The following LRRC7 variants were observed in gnomAD, a reference collection of about 807,000 sequenced individuals.
LRRC7 encodes the protein leucine-rich repeat-containing protein 7.
In LRRC7, 23 loss-of-function variants were observed where a neutral mutation model predicts 175.7. That is an observed-to-expected ratio of 0.13 (90% CI 0.09 to 0.19). The LOEUF is 0.19. LRRC7 is among the 10% of genes least tolerant of loss of function. LRRC7 has a pLI of 1.00. For synonymous variants in LRRC7, 685 were observed against 680.9 expected (o/e 1.01, Z -0.09); for missense variants, 1,354 against 1,904.7 (o/e 0.71, Z 5.38).
chr1:69,971,248 T>C (rs1652204563), intron 8 of LRRC7, among the ~76,000 whole-genome samples: 1 of 152,162 alleles, frequency 6.6e-6, no homozygotes, highest in Admixed American at 6.5e-5. Context: ...ACCATTCCTT[T>C]TCACCATAGT....
intron 1 of LRRC7, among the ~76,000 whole-genome samples, chr1:69,664,860 C>T (rs1658038387): frequency 6.6e-6 from 1 of 152,062 alleles, no homozygotes; most frequent in Non-Finnish European, 1.5e-5. Context: ...TTGGGGTACT[C>T]TTCAAAAAAT....
At chr1:70,000,989 C>G (rs76265096) in intron 11 of LRRC7, among the ~76,000 whole-genome samples, 2,105 of 152,202 alleles carry the variant, frequency 0.014, 49 homozygotes, top group African/African-American at 0.047. Flanking sequence ...GTCCCTGTTC[C>G]GACTGTTTCT....
chr1:69,770,775 G>A (rs1435413625), intron 3 of LRRC7, among the ~76,000 whole-genome samples: 2 of 152,106 alleles, frequency 1.3e-5, no homozygotes, highest in African/African-American at 2.4e-5. Context: ...TGTAGCCTTG[G>A]CATAAGTAGC....
At chr1:69,838,842 C>A (rs1368681115) in intron 7 of LRRC7, among the ~76,000 whole-genome samples, 1 of 151,852 alleles carries the variant, frequency 6.6e-6, no homozygotes. Context: ...AAAAACTAAT[C>A]CTTAAAATTT....
intron 4 of LRRC7, among the ~76,000 whole-genome samples, chr1:69,811,162 T>C (rs186628278): frequency 6.6e-6 from 1 of 151,884 alleles, no homozygotes; most frequent in East Asian, 1.9e-4. Context: ...AACAAACATA[T>C]GAAAAAAAGC....
At chr1:69,999,397 T>C (rs554055960) in intron 11 of LRRC7, among the ~76,000 whole-genome samples, 1 of 152,290 alleles carries the variant, frequency 6.6e-6, no homozygotes. Flanking sequence ...CATTAAATTT[T>C]CAGATGCCAC....
intron 1 of LRRC7, among the ~76,000 whole-genome samples, chr1:69,646,161 A>G (rs1654982000): frequency 6.6e-6 from 1 of 152,096 alleles, no homozygotes; most frequent in African/African-American, 2.4e-5. Flanking sequence ...TACATGCCGT[A>G]TGTTTTTAAA....
chr1:69,781,794 G>A (rs375877008), intron 3 of LRRC7, among the ~76,000 whole-genome samples: 1,057 of 28,836 alleles, frequency 0.037, 30 homozygotes, highest in Non-Finnish European at 0.05. Flanking sequence ...AGAAAGGAAG[G>A]AAGGAAGGAA....
At chr1:69,986,121 C>G in intron 9 of LRRC7, 121 bp from the exon 10 acceptor site, 1 of 890,302 alleles carries the variant, frequency 1.1e-6, no homozygotes, top group African/African-American at 1.7e-5. Context: ...ACATTCTTGC[C>G]AACACTTGTT....
At chr1:70,118,040 A>G (rs1665972120) in intron 26 of LRRC7, among the ~76,000 whole-genome samples, 1 of 149,524 alleles carries the variant, frequency 6.7e-6, no homozygotes, top group African/African-American at 2.5e-5. Flanking sequence ...ACCACCATTT[A>G]TTTCCTCAGC....
intron 8 of LRRC7, among the ~76,000 whole-genome samples, chr1:69,947,763 A>C (rs891474698): frequency 3.3e-5 from 5 of 152,154 alleles, no homozygotes; most frequent in Non-Finnish European, 7.3e-5. Flanking sequence ...GGATAGTACC[A>C]AACCTATATA....
At chr1:69,967,210 G>A (rs1030441658) in intron 8 of LRRC7, among the ~76,000 whole-genome samples, 1 of 152,186 alleles carries the variant, frequency 6.6e-6, no homozygotes, top group South Asian at 2.1e-4. Flanking sequence ...GCATGACACA[G>A]CAGAGACAGC....
chr1:69,821,200 GT>G (rs1217424226), intron 4 of LRRC7, among the ~76,000 whole-genome samples: 1 of 151,976 alleles, frequency 6.6e-6, no homozygotes, highest in Non-Finnish European at 1.5e-5. Context: ...CTTATTCTGG[GT>G]TTTCTATAAT....
Position 70,039,522 on chromosome 1 carries a change from C to G in LRRC7, c.3698C>G (p.Thr1233Ser). ...QAGSFPVKNL[T>S]QRRPLSARSY... The stretch of plus-strand genomic sequence containing the variant: ...GGAAGTTTTCCGGTTAAAAACCTTA[C>G]CCAAAGGAGGCCATTGTCTGCGAGA... The change falls in exon 21 of 27, where the codon ACC becomes AGC. Residue 1233 changes from threonine (T) to serine (S), a missense_variant. Around this residue, in one of 4 missense-constraint regions of LRRC7, gnomAD observed 1,032 missense variants for 1,227.2 expected, o/e 0.84. Coordinates refer to ENST00000651989, the MANE Select transcript of LRRC7 (RefSeq NM_001370785.2). 2 of 1,614,114 alleles carry G rather than the reference C, an allele frequency of 1.2e-6. No individual in the cohort carries two copies. Among genetic ancestry groups the G allele is most frequent in the Non-Finnish European group, 1.7e-6 (2 of 1,180,020 alleles).
chr1:70,012,192 A>G (rs1439410594), intron 12 of LRRC7, among the ~76,000 whole-genome samples: 1 of 152,034 alleles, frequency 6.6e-6, no homozygotes. Context: ...ATTTAAAGTC[A>G]GTTAATTTAT....
chr1:69,816,539 G>A (rs1678622172), intron 4 of LRRC7, among the ~76,000 whole-genome samples: 1 of 152,152 alleles, frequency 6.6e-6, no homozygotes. Context: ...TTTAGTGGAA[G>A]GCCTGAAGTG....
At chr1:69,781,545 T>C (rs1288960095) in intron 3 of LRRC7, among the ~76,000 whole-genome samples, 1 of 150,268 alleles carries the variant, frequency 6.7e-6, no homozygotes. Context: ...TAGCCAGGTG[T>C]GGTGTGCACA....
intron 7 of LRRC7, among the ~76,000 whole-genome samples, chr1:69,868,323 T>C (rs1685154029): frequency 6.6e-6 from 1 of 152,164 alleles, no homozygotes; most frequent in East Asian, 1.9e-4. Flanking sequence ...TAAGAGTTTA[T>C]GGTAATTTTT....
intron 18 of LRRC7, among the ~76,000 whole-genome samples, chr1:70,030,661 G>A (rs1335897413): frequency 6.6e-6 from 1 of 152,070 alleles, no homozygotes; most frequent in Non-Finnish European, 1.5e-5. Flanking sequence ...ATGGAAGAGG[G>A]TATTATACAC....
Sources: gnomAD v4.1 joint callset for allele counts (sites outside exome capture counted in the v4.1 genomes callset) on GRCh38, gnomAD v4.1.1 for gene constraint, gnomAD v4.1.1 regional missense constraint, MANE v1.5 for transcripts, NCBI Gene and HGNC (gene_info 2026-07-23, HGNC 2026-07-21) for gene names.